Variants in SPTBN1 observed in about 807,000 individuals in gnomAD.
The protein encoded by SPTBN1 is spectrin beta, non-erythrocytic 1, also known as spectrin beta chain, non-erythrocytic 1.
Under a neutral mutation model 266.4 loss-of-function variants are expected in SPTBN1, and 32 were observed. The ratio of observed to expected loss-of-function variants is 0.12; its 90% CI spans 0.09 to 0.16. The LOEUF (loss-of-function observed/expected upper bound fraction) is 0.16. Among genes scored for constraint, SPTBN1 ranks in the 10% least tolerant of loss-of-function variants. The probability of loss-of-function intolerance (pLI) is 1.00; values close to 1 mark genes in which losing one functional copy is unlikely to be tolerated. For missense variants in SPTBN1, 2,296 were observed against 3,067.1 expected, an observed-to-expected ratio of 0.75 and a Z score of 5.94; for synonymous variants, 1,336 against 1,162.2, an observed-to-expected ratio of 1.15 and a Z score of -3.04.
rs1293162509 is a variant in SPTBN1, at chr2:54,475,331, T to A, written c.-48+18813T>A. 4.6e-5 allele frequency among the ~76,000 whole-genome samples: 7 copies of A among 152,246 alleles called. No homozygotes were observed. The East Asian group carries it at 1.3e-3, about 29-fold the overall frequency. On this transcript the variant is annotated intron_variant, in intron 1 of 35. Coordinates refer to ENST00000356805, the MANE Select transcript of SPTBN1 (RefSeq NM_003128.3). ...AACAGTTTGTCTCCTTTTGGTTCCA[T>A]AATACTTCCACATTCTTACAGAAGC...
At chr2:54,641,478 A>G (rs1572735267) in intron 18 of SPTBN1, among the ~76,000 whole-genome samples, 1 of 152,230 alleles carries the variant, frequency 6.6e-6, no homozygotes, top group Non-Finnish European at 1.5e-5. Context: ...TTGAATAGCC[A>G]TAGTCTTTCA....
chr2:54,518,262 C>T (rs541577348), intron 1 of SPTBN1, among the ~76,000 whole-genome samples: 1 of 151,468 alleles, frequency 6.6e-6, no homozygotes, highest in Admixed American at 6.6e-5. Context: ...AGTGAGAACA[C>T]TTGGACACAG....
intron 2 of SPTBN1, among the ~76,000 whole-genome samples, chr2:54,564,622 A>T (rs1673548613): frequency 6.6e-6 from 1 of 152,108 alleles, no homozygotes; most frequent in Admixed American, 6.5e-5. Context: ...GCATTTTGGC[A>T]CCCTTGACAC....
intron 1 of SPTBN1, chr2:54,457,124 A>G (rs1243838181): frequency 2.7e-4 from 21 of 78,008 alleles, no homozygotes; most frequent in African/African-American, 9.3e-4. Flanking sequence ...CCTCCGCCCC[A>G]TCCCTGCGCT....
At chr2:54,512,508 AT>A (rs1669910251) in intron 1 of SPTBN1, among the ~76,000 whole-genome samples, 1 of 152,198 alleles carries the variant, frequency 6.6e-6, no homozygotes, top group South Asian at 2.1e-4. Context: ...TATTTAGGAT[AT>A]TTTACAAAGA....
chr2:54,622,271 T>A, intron 8 of SPTBN1, 29 bp from the exon 9 acceptor site: 3 of 1,609,404 alleles, frequency 1.9e-6, no homozygotes, highest in Non-Finnish European at 2.5e-6. Context: ...TGACATGATC[T>A]TTTCAATTTT....
intron 2 of SPTBN1, among the ~76,000 whole-genome samples, chr2:54,556,342 T>C (rs1448369798): frequency 6.6e-6 from 1 of 152,226 alleles, no homozygotes; most frequent in Non-Finnish European, 1.5e-5. Flanking sequence ...CAGTGTTGGC[T>C]TCACAGGATT....
At chr2:54,580,958 C>T (rs1026096087) in intron 2 of SPTBN1, among the ~76,000 whole-genome samples, 15 of 151,920 alleles carry the variant, frequency 9.9e-5, no homozygotes, top group Middle Eastern at 3.4e-3. Flanking sequence ...ATTAGCCATG[C>T]ATAGTGGCAC....
At chr2:54,630,620 C>T (rs1678666287) in intron 15 of SPTBN1, among the ~76,000 whole-genome samples, 1 of 152,206 alleles carries the variant, frequency 6.6e-6, no homozygotes, top group Non-Finnish European at 1.5e-5. Context: ...CATTGGAGCT[C>T]TGTAACACAT....
intron 4 of SPTBN1, among the ~76,000 whole-genome samples, chr2:54,615,938 T>C (rs1419688789): frequency 6.6e-6 from 1 of 152,178 alleles, no homozygotes; most frequent in Non-Finnish European, 1.5e-5. Context: ...ACTGGAAAGA[T>C]GGGTTGTCTC....
Position 54,629,142 on chromosome 2 carries a change from C to G in SPTBN1, c.2008C>G (p.Leu670Val). The change falls in exon 14 of 36, where the codon CTG (leucine) becomes GTG (valine). Residue 670 changes from leucine (L) to valine (V), a missense_variant. Leu to Val is a conservative substitution (Grantham distance 32). Around this residue, in one of 12 missense-constraint regions of SPTBN1, gnomAD observed 434 missense variants for 573.9 expected, o/e 0.76. Coordinates refer to ENST00000356805, the MANE Select transcript of SPTBN1 (RefSeq NM_003128.3). Reference protein sequence around the residue: ...ILSSDDYGKDLTSVMRLLSKH... With the variant: ...ILSSDDYGKDVTSVMRLLSKH... ...GTCCTCGGACGATTACGGGAAAGACCTGACCAGCGTCATGCGCCTGCTCAG... is the reference window on the plus strand; with the variant it reads ...GTCCTCGGACGATTACGGGAAAGACGTGACCAGCGTCATGCGCCTGCTCAG... The G allele has an allele frequency of 6.2e-7, 1 of 1,613,566 alleles. No individual in the cohort carries two copies. The highest frequency in any genetic ancestry group is 8.5e-7 in the Non-Finnish European group (1 of 1,179,904).
At position 54,578,667 on chromosome 2, in the gene SPTBN1, G is replaced by A. The variant is rs1309475671; in HGVS notation, c.149-20425G>A. Among the ~76,000 whole-genome samples the A allele has an allele frequency of 7.9e-5, 12 of 152,096 alleles. No individual in the cohort carries two copies. The East Asian group carries it at 2.1e-3, about 27-fold the overall frequency. ...ATGATCTATATTTGGCATCAGTGAG[G>A]CAAGTTATTTATATTTATTATTTAT... On this transcript the variant is annotated intron_variant, in intron 2 of 35. Transcript: ENST00000356805.
Position 54,612,345 on chromosome 2 carries a change from C to T in SPTBN1, c.474+11C>T, listed in dbSNP as rs1355408935. ...ATCCTGCGCTTCCAGGTAAGGGTCT[C>T]TGCCCAGGGTTGCTCAGAACTTAGG... On this transcript the variant is annotated intron_variant, in intron 4 of 35. Coordinates refer to ENST00000356805, the MANE Select transcript of SPTBN1 (RefSeq NM_003128.3). 2 of 1,608,536 alleles carry T rather than the reference C, an allele frequency of 1.2e-6. No individual in the cohort carries two copies. The highest frequency in any genetic ancestry group is 3.4e-5 in the Admixed American group (2 of 59,688).
At chr2:54,607,025 C>T (rs190839041) in intron 3 of SPTBN1, among the ~76,000 whole-genome samples, 32 of 152,326 alleles carry the variant, frequency 2.1e-4, no homozygotes, top group Admixed American at 3.3e-4. Flanking sequence ...CCCACATAAC[C>T]GAATTAAAAT....
chr2:54,656,617 A>G (rs189169880), intron 29 of SPTBN1, among the ~76,000 whole-genome samples: 186 of 152,336 alleles, frequency 1.2e-3, no homozygotes, highest in Admixed American at 2.9e-3. Context: ...ATTGCTTACC[A>G]TGCTTTGCCA....
intron 1 of SPTBN1, among the ~76,000 whole-genome samples, chr2:54,493,576 A>G (rs1173661340): frequency 6.6e-6 from 1 of 151,884 alleles, no homozygotes; most frequent in African/African-American, 2.4e-5. Context: ...TAATTTTTGT[A>G]TTTTTAGTAG....
chr2:54,622,471 G>T lies in SPTBN1; in HGVS notation c.1048G>T (p.Val350Leu), dbSNP rs878956007. The T allele has an allele frequency of 1.2e-6, 2 of 1,613,910 alleles. No individual in the cohort carries two copies. Among genetic ancestry groups the T allele is most frequent in the Non-Finnish European group, 1.7e-6 (2 of 1,179,948 alleles). ...TCAGGCATTCAACACTTACCGCACTGTGGAGAAACCACCCAAGTAAGATGC... is the reference window on the plus strand; with the variant it reads ...TCAGGCATTCAACACTTACCGCACTTTGGAGAAACCACCCAAGTAAGATGC... ...QLQAFNTYRT[V>L]EKPPKFTEKG... Residue 350 changes from valine to leucine, a missense_variant, in exon 9 of 36, where the codon GTG (valine) becomes TTG (leucine). Around this residue, in one of 12 missense-constraint regions of SPTBN1, gnomAD observed 148 missense variants for 203.8 expected, o/e 0.73. Transcript: ENST00000356805.
intron 20 of SPTBN1, 126 bp downstream of exon 20, chr2:54,644,712 A>G: frequency 7.9e-7 from 1 of 1,262,516 alleles, no homozygotes; most frequent in Non-Finnish European, 1.1e-6. Flanking sequence ...TTAACCCAAA[A>G]TATTACTTGC....
chr2:54,580,708 T>C (rs1300056399), intron 2 of SPTBN1, among the ~76,000 whole-genome samples: 1 of 152,168 alleles, frequency 6.6e-6, no homozygotes, highest in Non-Finnish European at 1.5e-5. Context: ...GGGTTTCTAC[T>C]GTATACTTCC....
Sources: gnomAD v4.1 joint callset for allele counts (sites outside exome capture counted in the v4.1 genomes callset) on GRCh38, gnomAD v4.1.1 for gene constraint, gnomAD v4.1.1 regional missense constraint, MANE v1.5 for transcripts, NCBI Gene and HGNC (gene_info 2026-07-23, HGNC 2026-07-21) for gene names.